GSDMD: variants seen among roughly 807,000 people sequenced by gnomAD.
GSDMD encodes the protein gasdermin-D.
Under a neutral mutation model 46.7 loss-of-function variants are expected in GSDMD, and 46 were observed. The ratio of observed to expected loss-of-function variants is 0.99; its 90% CI spans 0.78 to 1.26. The LOEUF (loss-of-function observed/expected upper bound fraction) is 1.26, where lower values mean the gene tolerates loss of function less well. Among genes scored for constraint, GSDMD ranks in the 50% most tolerant of loss-of-function variants. The pLI is 0.00. For synonymous variants in GSDMD, 307 were observed against 283.1 expected, an observed-to-expected ratio of 1.08 and a Z score of -0.85; for missense variants, 649 against 638.8, an observed-to-expected ratio of 1.02 and a Z score of -0.17.
intron 1 of GSDMD, 67 bp downstream of exon 1, chr8:143,558,518 C>T: frequency 1.5e-6 from 2 of 1,352,146 alleles, no homozygotes; most frequent in East Asian, 3.0e-5. Context: ...CCGCTGGCTC[C>T]CGGGTGGGGG....
rs1823394979 is a variant in GSDMD, at chr8:143,559,432, G to T, written c.97G>T (p.Gly33Cys). The change falls in exon 2 of 11, where the codon GGC becomes TGC. Residue 33 changes from glycine (G) to cysteine (C), a missense_variant. Gly to Cys is a radical substitution (Grantham distance 159, BLOSUM62 -3). Coordinates refer to ENST00000262580, the MANE Select transcript of GSDMD (RefSeq NM_024736.7). The part of the protein sequence containing the change: ...IPVTSLQSST[G>C]FQPYCLVVRK... ...TGTGACCAGCCTGCAGAGCTCCACT[G>T]GCTTCCAGCCCTACTGCCTGGTGGT... 6 of 1,612,836 alleles carry T rather than the reference G, an allele frequency of 3.7e-6. No individual in the cohort carries two copies. Among genetic ancestry groups the T allele is most frequent in the Non-Finnish European group, 5.1e-6 (6 of 1,180,006 alleles).
Position 143,561,411 on chromosome 8 carries a change from C to T in GSDMD, c.724C>T (p.Pro242Ser), listed in dbSNP as rs776320321. 5.0e-6 allele frequency: 8 copies of T among 1,611,122 alleles called. No homozygotes were observed. In the East Asian group the frequency reaches 8.9e-5, roughly 18 times the overall value. The stretch of plus-strand genomic sequence containing the variant: ...GGATAAGAAGCAGAGGACCTTCCAG[C>T]CACCCGCGACAGGTGAGAGCCGAGA... ...FPDKKQRTFQPPATGHKRSTS... is the reference protein window; with the variant it reads ...FPDKKQRTFQSPATGHKRSTS... The change falls in exon 6 of 11, where the codon CCA (proline) becomes TCA (serine). Residue 242 changes from proline (P) to serine (S), a missense_variant. Physicochemically the swap from Pro to Ser is moderately conservative, Grantham distance 74. Coordinates refer to ENST00000262580, the MANE Select transcript of GSDMD (RefSeq NM_024736.7).
intron 5 of GSDMD, 125 bp downstream of exon 5, chr8:143,561,229 G>A (rs1286955283): frequency 5.8e-6 from 7 of 1,209,046 alleles, no homozygotes; most frequent in Non-Finnish European, 7.1e-6. Context: ...GTGTCTGGCA[G>A]GTGGCTGAGG....
rs138605740 is a variant in GSDMD at position 143,559,354 on chromosome 8, C to A, written c.19C>A (p.Arg7=). ...CAGGAGCATGGGGTCGGCCTTTGAG[C>A]GGGTAGTCCGGAGAGTGGTCCAGGA... The part of the protein sequence containing the change: MGSAFE[R]VVRRVVQELD... Residue 7 remains arginine, a synonymous_variant, in exon 2 of 11, where the codon CGG becomes AGG. Transcript: ENST00000262580. The A allele has an allele frequency of 1.2e-3, 1,648 of 1,415,540 alleles. 2 individuals carry two copies. The highest frequency in any genetic ancestry group is 1.7e-3 in the Admixed American group (89 of 53,634). 87.7% of individuals were successfully genotyped at this position (1,415,540 alleles called of 1,614,324 possible).
chr8:143,562,088 G>A lies in GSDMD; in HGVS notation c.953G>A (p.Gly318Glu), dbSNP rs760522049. The A allele has an allele frequency of 2.5e-6, 4 of 1,596,792 alleles. No homozygotes were observed. Among genetic ancestry groups the A allele is most frequent in the Admixed American group, 1.7e-5 (1 of 59,676 alleles). Residue 318 changes from glycine (G) to glutamate (E), a missense_variant, in exon 8 of 11, where the codon GGG becomes GAG. Coordinates refer to ENST00000262580, the MANE Select transcript of GSDMD (RefSeq NM_024736.7). ...LCQLLLEGLE[G>E]VLRDQLALRA... ...CAGCTGCTGCTGGAGGGCCTGGAGG[G>A]GGTGCTGCGGGACCAGCTGGCCCTG... is the stretch of plus-strand genomic sequence containing the variant.
chr8:143,559,296 CGA>C, intron 1 of GSDMD, 34 bp from the exon 2 acceptor site: 2 of 1,052,404 alleles, frequency 1.9e-6, no homozygotes, highest in Non-Finnish European at 1.4e-6. Context: ...CCGCCCGCCC[CGA>C]GAGCACAATG....
chr8:143,561,875 G>T, intron 7 of GSDMD, 47 bp downstream of exon 7: 9 of 1,609,690 alleles, frequency 5.6e-6, no homozygotes, highest in Non-Finnish European at 7.6e-6. Context: ...GGGCTCTCCT[G>T]CCCCCTGGGG....
intron 1 of GSDMD, 52 bp from the exon 2 acceptor site, chr8:143,559,280 T>TCCCA: frequency 6.9e-6 from 4 of 579,430 alleles, no homozygotes; most frequent in Non-Finnish European, 6.4e-6. Context: ...CTTCTCCCAC[T>TCCCA]CCCTCCCGCC....
chr8:143,556,055 T>C (rs1271280586), upstream of GSDMD: 3 of 152,118 alleles, frequency 2.0e-5, no homozygotes, highest in Non-Finnish European at 4.4e-5. Context: ...CTACTAAAAA[T>C]ACAAAATTAG....
In GSDMD at chr8:143,562,824, G is replaced by C. The variant is rs371105653; in HGVS notation, c.1375G>C (p.Glu459Gln). ...GGAGGACACTCCCCACGTGTGCTGG[G>C]AGCCGCAGGCCCAGGGCCGCATGTG... ...LGEDTPHVCW[E>Q]PQAQGRMCAL... The change falls in exon 11 of 11, where the codon GAG becomes CAG. Residue 459 changes from glutamate to glutamine, a missense_variant. Coordinates refer to ENST00000262580, the MANE Select transcript of GSDMD (RefSeq NM_024736.7). The C allele has an allele frequency of 3.7e-6, 6 of 1,609,224 alleles. No individual in the cohort carries two copies. The African/African-American group carries it at 8.0e-5, about 22-fold the overall frequency.
Position 143,558,398 on chromosome 8 carries a change from C to A in GSDMD, c.-58C>A. The A allele has an allele frequency of 6.6e-7, 1 of 1,515,898 alleles. No individual in the cohort carries two copies. Among genetic ancestry groups the A allele is most frequent in the Non-Finnish European group, 8.8e-7 (1 of 1,138,538 alleles). 93.9% of individuals were successfully genotyped at this position (1,515,898 alleles called of 1,614,324 possible). On this transcript the variant is annotated 5_prime_UTR_variant, in exon 1 of 11. Transcript: ENST00000262580. ...TCCAGCTCCTGCTCGCCGGACGGCT[C>A]CCAGGGAGAGCAGACGCGCCAGACG...
rs868460487 is a variant in GSDMD, at chr8:143,563,053, A to G, written c.*149A>G. On this transcript the variant is annotated 3_prime_UTR_variant, in exon 11 of 11. Transcript: ENST00000262580. ...TGGGGAAACACAATAAAGGTGGCAT[A>G]CGAAGGAAAGGCTGGTAGCAGAGTT... The G allele has an allele frequency of 2.3e-6, 2 of 871,012 alleles. No individual in the cohort carries two copies. The highest frequency in any genetic ancestry group is 2.3e-5 in the Admixed American group (1 of 42,972). The allele number at this position is 871,012 out of a possible 1,614,324, so 54.0% of individuals were successfully genotyped here.
In GSDMD at chr8:143,562,998, T is replaced by C. The variant is rs1165597518; in HGVS notation, c.*94T>C. The C allele has an allele frequency of 4.6e-6, 7 of 1,534,874 alleles. No homozygotes were observed. Among genetic ancestry groups the C allele is most frequent in the African/African-American group, 2.7e-5 (2 of 73,176 alleles). On this transcript the variant is annotated 3_prime_UTR_variant, in exon 11 of 11. Coordinates refer to ENST00000262580, the MANE Select transcript of GSDMD (RefSeq NM_024736.7). Reference sequence around the variant, plus strand: ...AGGAAGGCCAGGAGCCCAGTAGCCATGTGGCCAGTCTACCATGGGGCCCAG... The same window carrying C: ...AGGAAGGCCAGGAGCCCAGTAGCCACGTGGCCAGTCTACCATGGGGCCCAG...
At chr8:143,554,181 G>A (rs1340274507), upstream of GSDMD, among the ~76,000 whole-genome samples, 3 of 151,460 alleles carry the variant, frequency 2.0e-5, no homozygotes, top group East Asian at 2.0e-4. Flanking sequence ...AGCCACGGGC[G>A]TGGCACCGGC....
chr8:143,559,280 T>TAGCCCCCC, intron 1 of GSDMD, 52 bp from the exon 2 acceptor site: 1 of 579,430 alleles, frequency 1.7e-6, no homozygotes, highest in Non-Finnish European at 3.2e-6. Flanking sequence ...CTTCTCCCAC[T>TAGCCCCCC]CCCTCCCGCC....
intron 5 of GSDMD, 32 bp from the exon 6 acceptor site, chr8:143,561,338 C>T (rs754178997): frequency 2.8e-5 from 44 of 1,581,206 alleles, no homozygotes; most frequent in Non-Finnish European, 9.5e-6. Context: ...AGGTGACATG[C>T]CTGTCCCTGT....
chr8:143,558,714 T>C (rs1823371951), intron 1 of GSDMD: 1 of 584,160 alleles, frequency 1.7e-6, no homozygotes, highest in Non-Finnish European at 3.1e-6. Flanking sequence ...CGCCCCCAGC[T>C]GCCTTCTGGG....
At chr8:143,557,695 C>A (rs906958506), upstream of GSDMD, among the ~76,000 whole-genome samples, 2 of 152,242 alleles carry the variant, frequency 1.3e-5, no homozygotes, top group African/African-American at 4.8e-5. Context: ...AGTGACTCCA[C>A]GTGCCCCCCG....
chr8:143,559,278 A>ACGGG, intron 1 of GSDMD, 54 bp from the exon 2 acceptor site: 2 of 541,338 alleles, frequency 3.7e-6, no homozygotes, highest in Non-Finnish European at 7.0e-6. Flanking sequence ...CCCTTCTCCC[A>ACGGG]CTCCCTCCCG....
Sources: gnomAD v4.1 joint callset for allele counts (sites outside exome capture counted in the v4.1 genomes callset) on GRCh38, gnomAD v4.1.1 for gene constraint, MANE v1.5 for transcripts, NCBI Gene and HGNC (gene_info 2026-07-23, HGNC 2026-07-21) for gene names.